Variants in MECOM observed in about 807,000 individuals in gnomAD.
MECOM encodes MDS1 and EVI1 complex locus, also known as histone-lysine N-methyltransferase MECOM.
MECOM carries 13 observed loss-of-function variants against 116.3 expected under a neutral mutation model. The ratio of observed to expected loss-of-function variants is 0.11; its 90% confidence interval spans 0.07 to 0.18. The LOEUF is 0.18. MECOM is among the 10% of genes least tolerant of loss of function. The pLI, the probability that MECOM is intolerant of heterozygous loss-of-function variation, is 1.00. For missense variants in MECOM, 1,299 were observed against 1,509.0 expected, an observed-to-expected ratio of 0.86 and a Z score of 2.31; for synonymous variants, 528 against 535.2, an observed-to-expected ratio of 0.99 and a Z score of 0.19.
intron 10 of MECOM, among the ~76,000 whole-genome samples, chr3:169,104,106 A>G (rs1383231963): frequency 1.3e-5 from 2 of 152,200 alleles, no homozygotes; most frequent in East Asian, 3.8e-4. Context: ...TTGATTCATA[A>G]TCACTCAGCT....
intron 1 of MECOM, among the ~76,000 whole-genome samples, chr3:169,629,656 G>C (rs555386094): frequency 6.6e-6 from 1 of 152,278 alleles, no homozygotes; most frequent in African/African-American, 2.4e-5. Flanking sequence ...TAATGCCTTT[G>C]TGGAAAGTCC....
At chr3:169,549,322 G>A (rs762041231) in intron 1 of MECOM, among the ~76,000 whole-genome samples, 5 of 151,818 alleles carry the variant, frequency 3.3e-5, no homozygotes, top group Admixed American at 6.6e-5. Context: ...AAAGGATTCA[G>A]GAGTGACCAA....
intron 1 of MECOM, among the ~76,000 whole-genome samples, chr3:169,636,145 C>A (rs1427558646): frequency 6.6e-6 from 1 of 152,112 alleles, no homozygotes; most frequent in Non-Finnish European, 1.5e-5. Flanking sequence ...TTATTGCAGC[C>A]ATCCACTAGT....
chr3:169,536,611 G>A (rs925111753), intron 1 of MECOM, among the ~76,000 whole-genome samples: 3 of 152,052 alleles, frequency 2.0e-5, no homozygotes, highest in Non-Finnish European at 4.4e-5. Flanking sequence ...GATAGCAGAT[G>A]TTTAAAAAAC....
intron 1 of MECOM, among the ~76,000 whole-genome samples, chr3:169,479,683 C>T (rs1052092506): frequency 6.8e-6 from 1 of 147,128 alleles, no homozygotes; most frequent in Admixed American, 6.8e-5. Flanking sequence ...AAAAATTTGC[C>T]TGATTCTCAG....
intron 7 of MECOM, among the ~76,000 whole-genome samples, chr3:169,117,929 T>C (rs1039666143): frequency 3.3e-5 from 5 of 152,198 alleles, no homozygotes; most frequent in African/African-American, 9.7e-5. Flanking sequence ...ATTTTAACAC[T>C]TCTGTGCATG....
chr3:169,360,380 T>C (rs1269970429), intron 2 of MECOM, among the ~76,000 whole-genome samples: 1 of 148,510 alleles, frequency 6.7e-6, no homozygotes, highest in African/African-American at 2.5e-5. Flanking sequence ...TTTCTTATGG[T>C]TCAAAGGCAA....
chr3:169,347,524 G>A (rs1264329487), intron 2 of MECOM, among the ~76,000 whole-genome samples: 2 of 151,922 alleles, frequency 1.3e-5, no homozygotes, highest in African/African-American at 4.8e-5. Flanking sequence ...TGCACTGCTT[G>A]AATTTTACTA....
At chr3:169,260,669 C>A (rs1757424747) in intron 2 of MECOM, among the ~76,000 whole-genome samples, 1 of 152,178 alleles carries the variant, frequency 6.6e-6, no homozygotes, top group Non-Finnish European at 1.5e-5. Context: ...ATACATTGAG[C>A]TTTGTTTTCT....
chr3:169,536,360 T>TTC (rs1320688241), intron 1 of MECOM, among the ~76,000 whole-genome samples: 2 of 150,564 alleles, frequency 1.3e-5, no homozygotes, highest in African/African-American at 4.9e-5. Flanking sequence ...TTTTTTTTTT[T>TTC]TTTTTTTGGT....
At chr3:169,165,589 T>C (rs940554095) in intron 2 of MECOM, among the ~76,000 whole-genome samples, 4 of 152,182 alleles carry the variant, frequency 2.6e-5, no homozygotes, top group African/African-American at 9.7e-5. Context: ...ATACACGATC[T>C]TGCAAGGCAA....
intron 1 of MECOM, among the ~76,000 whole-genome samples, chr3:169,581,990 G>C (rs544190743): frequency 9.2e-5 from 14 of 152,284 alleles, no homozygotes; most frequent in African/African-American, 2.6e-4. Context: ...TCAATAATAT[G>C]AATCAGATGG....
intron 2 of MECOM, among the ~76,000 whole-genome samples, chr3:169,377,607 C>A (rs1012550041): frequency 6.6e-6 from 1 of 152,110 alleles, no homozygotes; most frequent in African/African-American, 2.4e-5. Context: ...AAATGCAAAT[C>A]GAAACCACAA....
chr3:169,462,872 T>A (rs1747689602), intron 1 of MECOM, among the ~76,000 whole-genome samples: 1 of 152,216 alleles, frequency 6.6e-6, no homozygotes, highest in African/African-American at 2.4e-5. Flanking sequence ...TCTAAATTAT[T>A]TGTTCATGAA....
chr3:169,423,200 A>T (rs183510027), intron 1 of MECOM, among the ~76,000 whole-genome samples: 19 of 152,174 alleles, frequency 1.2e-4, no homozygotes, highest in African/African-American at 4.3e-4. Flanking sequence ...AAGAAGCTAG[A>T]CTCTAAGAAT....
chr3:169,293,336 T>C (rs974299840), intron 2 of MECOM, among the ~76,000 whole-genome samples: 22 of 152,350 alleles, frequency 1.4e-4, no homozygotes, highest in African/African-American at 4.8e-4. Flanking sequence ...CTCCTCACCA[T>C]GGCCTTTGAG....
intron 2 of MECOM, among the ~76,000 whole-genome samples, chr3:169,266,188 A>G (rs1362367653): frequency 6.6e-6 from 1 of 152,216 alleles, no homozygotes; most frequent in Non-Finnish European, 1.5e-5. Flanking sequence ...ACCTTAGTAA[A>G]AGACAAATTG....
At position 169,378,485 on chromosome 3, in the gene MECOM, GAGA is replaced by G. The variant is rs1560197377; in HGVS notation, c.375+2699_375+2701del. On this transcript the variant is annotated intron_variant, in intron 2 of 16. Coordinates refer to ENST00000651503, the MANE Select transcript of MECOM (RefSeq NM_004991.4). ...AGCAAGCAAGCAAGCAAGAAAGAGA[GAGA>G]GAAAGAAAGAAAGAAAGAAAGAAAG... 3.8e-4 allele frequency among the ~76,000 whole-genome samples: 14 copies of G among 36,822 alleles called. 1 individual carries two copies. In the African/African-American group the frequency reaches 3.9e-3, roughly 10 times the overall value. The allele number at this position is 36,822 out of a possible 152,430, so 24.2% of individuals were successfully genotyped here.
Position 169,663,452 on chromosome 3 carries a change from T to C in MECOM, c.-80A>G. 2.1e-6 allele frequency: 3 copies of C among 1,416,374 alleles called. No individual in the cohort carries two copies. The highest frequency in any genetic ancestry group is 2.9e-6 in the Non-Finnish European group (3 of 1,025,052). The allele number at this position is 1,416,374 out of a possible 1,614,324, so 87.7% of individuals were successfully genotyped here. On this transcript the variant is annotated 5_prime_UTR_variant, in exon 1 of 17. Transcript: ENST00000651503. Reference sequence around the variant, plus strand: ...TCCTTTCCTTCTTTTGCTCTCCCTCTCGCTCCCTCCCTCTCTCTCCTGTCT... The same window carrying C: ...TCCTTTCCTTCTTTTGCTCTCCCTCCCGCTCCCTCCCTCTCTCTCCTGTCT...
Sources: allele counts gnomAD v4.1 joint callset (sites outside exome capture counted in the v4.1 genomes callset), GRCh38; gene constraint gnomAD v4.1.1; transcripts MANE v1.5; gene names NCBI Gene and HGNC (gene_info 2026-07-23, HGNC 2026-07-21).